ZNF207: variants seen among roughly 807,000 people sequenced by gnomAD.
ZNF207 encodes the protein zinc finger protein 207, also known as BUB3-interacting and GLEBS motif-containing protein ZNF207.
In ZNF207, 24 loss-of-function variants were observed where a neutral mutation model predicts 60.2. The observed-to-expected ratio is 0.40, with a 90% CI of 0.29 to 0.56. The LOEUF is 0.56. Ranked by LOEUF, ZNF207 falls within the 20% of genes least tolerant of loss-of-function variation. The probability of loss-of-function intolerance (pLI) is 0.49; values close to 1 mark genes in which losing one functional copy is unlikely to be tolerated. For synonymous variants in ZNF207, 236 were observed against 194.7 expected (o/e 1.21, Z -1.77); for missense variants, 452 against 636.6 (o/e 0.71, Z 3.12).
In ZNF207 at chr17:32,370,668, A is replaced by G. The variant is rs1905427916; in HGVS notation, c.*909A>G. On this transcript the variant is annotated 3_prime_UTR_variant, in exon 12 of 12. Transcript: ENST00000394670. ...CGTGTCATAGATACTTAAAATGTAAATGTTAACACTTTTCCTTCCTGCTGA... is the reference window on the plus strand; with the variant it reads ...CGTGTCATAGATACTTAAAATGTAAGTGTTAACACTTTTCCTTCCTGCTGA... 6.6e-6 allele frequency: 1 copy of G among 152,196 alleles called. No homozygotes were observed. Among genetic ancestry groups the G allele is most frequent in the Admixed American group, 6.5e-5 (1 of 15,268 alleles). 9.4% of individuals were successfully genotyped at this position (152,196 alleles called of 1,614,324 possible). A position where few individuals can be genotyped will look rare whatever the true frequency, so the allele number is the denominator to read the frequency against.
In ZNF207 at chr17:32,366,721, T is replaced by C; in HGVS notation, c.885T>C (p.Ser295=). 6.2e-7 allele frequency: 1 copy of C among 1,611,852 alleles called. No homozygotes were observed. Among genetic ancestry groups the C allele is most frequent in the Non-Finnish European group, 8.5e-7 (1 of 1,179,238 alleles). The change falls in exon 9 of 12, where the codon TCT becomes TCC. Residue 295 remains serine, a synonymous_variant. Transcript: ENST00000394670. ...CTTCATCCAATTCAGAAAGTCTGTCTGCATCTTCTAAAGCTCTGTTTCCTA... is the reference window on the plus strand; with the variant it reads ...CTTCATCCAATTCAGAAAGTCTGTCCGCATCTTCTAAAGCTCTGTTTCCTA... ...STASSNSESL[S]ASSKALFPST... is the part of the protein sequence containing the mutation.
chr17:32,363,074 T>C (rs1221063554), intron 7 of ZNF207, 90 bp downstream of exon 7: 4 of 1,244,464 alleles, frequency 3.2e-6, no homozygotes, highest in Non-Finnish European at 4.4e-6. Context: ...ATAATGAAAT[T>C]TAAAAATTTT....
At chr17:32,365,197 C>A in intron 7 of ZNF207, 133 bp from the exon 8 acceptor site, 1 of 955,734 alleles carries the variant, frequency 1.0e-6, no homozygotes, top group Non-Finnish European at 1.5e-6. Context: ...TTGCATGGGG[C>A]AAATGCCTAA....
In ZNF207 at chr17:32,350,234, G is replaced by T; in HGVS notation, c.-52G>T. 1 of 1,613,034 alleles carries T rather than the reference G, an allele frequency of 6.2e-7. No homozygotes were observed. Among genetic ancestry groups the T allele is most frequent in the Non-Finnish European group, 8.5e-7 (1 of 1,179,166 alleles). Reference sequence around the variant, plus strand: ...GGGAAAGTGAGGGATTTTTGGCCTCGTTTCTCCTGCTTCTTTTCTCCTCCC... The same window carrying T: ...GGGAAAGTGAGGGATTTTTGGCCTCTTTTCTCCTGCTTCTTTTCTCCTCCC... On this transcript the variant is annotated 5_prime_UTR_variant, in exon 1 of 12. Transcript: ENST00000394670.
rs1163578242 is a variant in ZNF207 at position 32,367,827 on chromosome 17, C to A, written c.977C>A (p.Thr326Asn). Reference protein sequence around the residue: ...VGTDFKPLNSTPATTTEPPKP... With the variant: ...VGTDFKPLNSNPATTTEPPKP... ...ACAGATTTCAAACCCTTAAATAGTA[C>A]CCCTGCAACAACTACAGAACCCCCA... is the stretch of plus-strand genomic sequence containing the variant. Residue 326 changes from threonine to asparagine, a missense_variant, in exon 10 of 12, where the codon ACC becomes AAC. This residue lies in a region of ZNF207 where 390 missense variants were observed against 461.4 expected (regional missense o/e 0.85). Coordinates refer to ENST00000394670, the MANE Select transcript of ZNF207 (RefSeq NM_001098507.2). The A allele has an allele frequency of 6.2e-7, 1 of 1,613,984 alleles. No homozygotes were observed. Among genetic ancestry groups the A allele is most frequent in the Non-Finnish European group, 8.5e-7 (1 of 1,180,030 alleles).
intron 7 of ZNF207, among the ~76,000 whole-genome samples, chr17:32,364,360 T>TC (rs1415721044): frequency 2.4e-5 from 3 of 125,988 alleles, no homozygotes; most frequent in Non-Finnish European, 3.7e-5. Context: ...TGTTTTTTTT[T>TC]CTTTTTTTTT....
chr17:32,356,373 T>C (rs932454845), intron 2 of ZNF207, among the ~76,000 whole-genome samples: 1 of 152,302 alleles, frequency 6.6e-6, no homozygotes, highest in Non-Finnish European at 1.5e-5. Context: ...TAGCAAAATA[T>C]TCCAAAAAAC....
intron 7 of ZNF207, 36 bp from the exon 8 acceptor site, chr17:32,365,294 A>G: frequency 6.3e-7 from 1 of 1,588,370 alleles, no homozygotes; most frequent in East Asian, 2.3e-5. Context: ...TAAATTTTTC[A>G]GTGACTCAAT....
At chr17:32,351,682 C>T in intron 1 of ZNF207, 104 bp from the exon 2 acceptor site, 1 of 1,606,540 alleles carries the variant, frequency 6.2e-7, no homozygotes, top group Non-Finnish European at 8.5e-7. Context: ...CTATACAGTA[C>T]CATTTTGGTT....
At chr17:32,357,414 TC>T (rs1473450650) in intron 2 of ZNF207, among the ~76,000 whole-genome samples, 56 of 148,426 alleles carry the variant, frequency 3.8e-4, no homozygotes, top group African/African-American at 1.3e-3. Flanking sequence ...CGTGGCACGG[TC>T]TCGGCTCACT....
chr17:32,375,952 CCTTT>C lies in ZNF207; in HGVS notation c.*6196_*6199del, dbSNP rs1567832327. Reference sequence around the variant, plus strand: ...GTAAAGTTTACTCCTTTTTAGAAACCCTTTCTCAGTATTTTAATTTCTGTCATTG... The same window carrying C: ...GTAAAGTTTACTCCTTTTTAGAAACCCTCAGTATTTTAATTTCTGTCATTG... On this transcript the variant is annotated 3_prime_UTR_variant, in exon 12 of 12. Coordinates refer to ENST00000394670, the MANE Select transcript of ZNF207 (RefSeq NM_001098507.2). The C allele has an allele frequency of 1.3e-5, 2 of 151,962 alleles. No individual in the cohort carries two copies. The highest frequency in any genetic ancestry group is 1.5e-5 in the Non-Finnish European group (1 of 67,888). The allele number at this position is 151,962 out of a possible 1,614,324, so 9.4% of individuals were successfully genotyped here. A position where few individuals can be genotyped will look rare whatever the true frequency, so the allele number is the denominator to read the frequency against.
chr17:32,362,048 T>C (rs373342862), intron 6 of ZNF207, among the ~76,000 whole-genome samples: 10 of 152,052 alleles, frequency 6.6e-5, no homozygotes, highest in African/African-American at 2.4e-4. Context: ...TAGTGGTAGG[T>C]AGTTATTGTA....
Position 32,361,530 on chromosome 17 carries a change from C to T in ZNF207, c.599+15C>T. 1 of 1,602,984 alleles carries T rather than the reference C, an allele frequency of 6.2e-7. No homozygotes were observed. Among genetic ancestry groups the T allele is most frequent in the Non-Finnish European group, 8.5e-7 (1 of 1,173,440 alleles). On this transcript the variant is annotated intron_variant, in intron 6 of 11. Coordinates refer to ENST00000394670, the MANE Select transcript of ZNF207 (RefSeq NM_001098507.2). ...GGTGAAAACATGTAAGCATCTCATT[C>T]ATAATGTAATTCAGGAGGTATAATC... is the stretch of plus-strand genomic sequence containing the variant.
chr17:32,365,580 T>G (rs1905122487), intron 8 of ZNF207, 93 bp downstream of exon 8: 1 of 1,235,676 alleles, frequency 8.1e-7, no homozygotes, highest in East Asian at 3.2e-5. Context: ...AGGTCAATTT[T>G]TTTGTTTATA....
At chr17:32,365,739 T>TG (rs1905132362) in intron 8 of ZNF207, 1 of 107,738 alleles carries the variant, frequency 9.3e-6, no homozygotes, top group Non-Finnish European at 2.1e-5. Context: ...TTATTCTTAG[T>TG]TTTTTTTTTT....
intron 9 of ZNF207, among the ~76,000 whole-genome samples, chr17:32,367,242 TATATATATATATATATA>T: frequency 2.3e-5 from 1 of 43,888 alleles, no homozygotes; most frequent in South Asian, 7.7e-4. Flanking sequence ...GAGGGGATTA[TATATATATATATATATA>T]TATATATATA....
At chr17:32,361,766 C>A (rs1190854653) in intron 6 of ZNF207, among the ~76,000 whole-genome samples, 5 of 152,028 alleles carry the variant, frequency 3.3e-5, no homozygotes, top group Non-Finnish European at 7.4e-5. Flanking sequence ...GTAATGGGAC[C>A]TGTTAATAAG....
At chr17:32,365,541 T>C (rs1308716932) in intron 8 of ZNF207, 54 bp downstream of exon 8, 2 of 1,541,230 alleles carry the variant, frequency 1.3e-6, no homozygotes, top group African/African-American at 1.4e-5. Flanking sequence ...TAAAGTACAG[T>C]TGTTTACAGA....
At position 32,358,544 on chromosome 17, in the gene ZNF207, T is replaced by A. The variant is rs558839341; in HGVS notation, c.210T>A (p.Pro70=). The A allele has an allele frequency of 6.4e-7, 1 of 1,569,866 alleles. No homozygotes were observed. Among genetic ancestry groups the A allele is most frequent in the African/African-American group, 1.4e-5 (1 of 72,134 alleles). ...ETIDAVPNAI[P]GRTDIELEIY... ...TAGATGCCGTACCAAATGCAATACC[T>A]GGAAGAACAGACATAGAGTTGGAAA... Residue 70 remains proline, a synonymous_variant, in exon 3 of 12, where the codon CCT becomes CCA. Coordinates refer to ENST00000394670, the MANE Select transcript of ZNF207 (RefSeq NM_001098507.2).
Sources: gnomAD v4.1 joint callset for allele counts (sites outside exome capture counted in the v4.1 genomes callset) on GRCh38, gnomAD v4.1.1 for gene constraint, gnomAD v4.1.1 regional missense constraint, MANE v1.5 for transcripts, NCBI Gene and HGNC (gene_info 2026-07-23, HGNC 2026-07-21) for gene names.